BICC1: variants seen among roughly 807,000 people sequenced by gnomAD.
BICC1 encodes the protein BicC family RNA binding protein 1.
A neutral mutation model predicts 111.0 loss-of-function variants in BICC1; 43 were observed. The ratio of observed to expected loss-of-function variants is 0.39; its 90% CI spans 0.30 to 0.50. BICC1 has a LOEUF of 0.50. Among genes scored for constraint, BICC1 ranks in the 20% least tolerant of loss-of-function variants. The pLI, the probability that BICC1 is intolerant of heterozygous loss-of-function variation, is 0.88. For missense variants in BICC1, 1,091 were observed against 1,203.2 expected (o/e 0.91, Z 1.38); for synonymous variants, 467 against 434.4 (o/e 1.07, Z -0.93).
chr10:58,558,417 G>A (rs951682236), intron 1 of BICC1, among the ~76,000 whole-genome samples: 8 of 151,942 alleles, frequency 5.3e-5, no homozygotes, highest in African/African-American at 7.3e-5. Flanking sequence ...CATGCTTTTC[G>A]CGTCACAATC....
chr10:58,709,124 A>T (rs1330292967), intron 3 of BICC1, among the ~76,000 whole-genome samples: 1 of 152,072 alleles, frequency 6.6e-6, no homozygotes, highest in African/African-American at 2.4e-5. Flanking sequence ...AACTGTAGTC[A>T]CCCTACAGTG....
intron 3 of BICC1, among the ~76,000 whole-genome samples, chr10:58,708,111 T>C (rs1226670644): frequency 6.7e-6 from 1 of 149,910 alleles, no homozygotes; most frequent in East Asian, 2.0e-4. Flanking sequence ...CCCAAAGTGC[T>C]GGGATTACAG....
chr10:58,522,528 C>G (rs1842419272), intron 1 of BICC1, among the ~76,000 whole-genome samples: 1 of 152,056 alleles, frequency 6.6e-6, no homozygotes, highest in African/African-American at 2.4e-5. Context: ...ACACAACATA[C>G]CAGAATCTCT....
chr10:58,709,153 T>C (rs541921806), intron 3 of BICC1, among the ~76,000 whole-genome samples: 3 of 152,320 alleles, frequency 2.0e-5, no homozygotes, highest in Non-Finnish European at 2.9e-5. Context: ...CACTAGGATT[T>C]ATTCTTCCAA....
intron 3 of BICC1, among the ~76,000 whole-genome samples, chr10:58,723,366 C>T (rs1840998293): frequency 3.3e-5 from 5 of 152,150 alleles, no homozygotes; most frequent in Admixed American, 3.3e-4. Context: ...GTGTTCAGAA[C>T]AGCTGCTTAT....
At chr10:58,678,824 A>G (rs989922662) in intron 2 of BICC1, among the ~76,000 whole-genome samples, 1 of 152,240 alleles carries the variant, frequency 6.6e-6, no homozygotes, top group African/African-American at 2.4e-5. Flanking sequence ...AATGGAAATC[A>G]TAACAATCAG....
At chr10:58,788,968 T>A (rs1287059830) in intron 6 of BICC1, among the ~76,000 whole-genome samples, 1 of 152,036 alleles carries the variant, frequency 6.6e-6, no homozygotes, top group Non-Finnish European at 1.5e-5. Flanking sequence ...GGCACATGCC[T>A]GTAGTGCCAC....
chr10:58,555,827 A>G (rs1384204168), intron 1 of BICC1, among the ~76,000 whole-genome samples: 1 of 152,128 alleles, frequency 6.6e-6, no homozygotes, highest in Non-Finnish European at 1.5e-5. Flanking sequence ...CAAGTGAAAT[A>G]TTTCACCACT....
chr10:58,520,591 G>C (rs1842362384), intron 1 of BICC1, among the ~76,000 whole-genome samples: 1 of 152,116 alleles, frequency 6.6e-6, no homozygotes, highest in Non-Finnish European at 1.5e-5. Context: ...TGGTTTCCCT[G>C]TTATAGTGAG....
chr10:58,712,062 C>T (rs1371211706), intron 3 of BICC1, among the ~76,000 whole-genome samples: 1 of 152,148 alleles, frequency 6.6e-6, no homozygotes, highest in Admixed American at 6.5e-5. Flanking sequence ...AGACACCTCA[C>T]CAAAGAAGAT....
At chr10:58,516,626 G>A (rs1027045350) in intron 1 of BICC1, among the ~76,000 whole-genome samples, 1 of 152,052 alleles carries the variant, frequency 6.6e-6, no homozygotes, top group Admixed American at 6.5e-5. Flanking sequence ...TTATTTTCAA[G>A]TTTAGGTTTT....
At chr10:58,620,732 C>A in intron 1 of BICC1, 123 bp from the exon 2 acceptor site, 2 of 816,840 alleles carry the variant, frequency 2.4e-6, no homozygotes, top group South Asian at 3.3e-5. Flanking sequence ...TTAGCAGGCA[C>A]TGAGCTGTGG....
chr10:58,632,917 C>G (rs1221367360), intron 2 of BICC1, among the ~76,000 whole-genome samples: 1 of 151,980 alleles, frequency 6.6e-6, no homozygotes, highest in East Asian at 1.9e-4. Flanking sequence ...TTTAAAAATT[C>G]TTTAAGTGAA....
intron 3 of BICC1, among the ~76,000 whole-genome samples, chr10:58,781,270 A>G (rs1172324593): frequency 6.6e-6 from 1 of 152,198 alleles, no homozygotes; most frequent in African/African-American, 2.4e-5. Flanking sequence ...CACCTAGGAT[A>G]TGAGCTTTAG....
At chr10:58,804,927 C>T (rs1843663608) in intron 15 of BICC1, among the ~76,000 whole-genome samples, 1 of 152,108 alleles carries the variant, frequency 6.6e-6, no homozygotes, top group African/African-American at 2.4e-5. Context: ...GTGCTATATC[C>T]CCAGCTCTCT....
chr10:58,782,934 G>A (rs9416742), intron 3 of BICC1, among the ~76,000 whole-genome samples: 20,514 of 152,238 alleles, frequency 0.13, 1,858 homozygotes, highest in Non-Finnish European at 0.21. Flanking sequence ...GGGCAGTCCT[G>A]GTTCTTGTTA....
chr10:58,638,284 A>G (rs989239244), intron 2 of BICC1, among the ~76,000 whole-genome samples: 6 of 152,120 alleles, frequency 3.9e-5, no homozygotes, highest in Non-Finnish European at 8.8e-5. Context: ...ATAGAAAATA[A>G]CATCTGTACT....
chr10:58,782,837 A>G, intron 3 of BICC1, among the ~76,000 whole-genome samples: 1 of 152,202 alleles, frequency 6.6e-6, no homozygotes, highest in East Asian at 1.9e-4. Context: ...TAGCCGAGCT[A>G]TTATGGATGA....
chr10:58,745,282 G>A (rs1841796867), intron 3 of BICC1, among the ~76,000 whole-genome samples: 1 of 152,014 alleles, frequency 6.6e-6, no homozygotes, highest in African/African-American at 2.4e-5. Context: ...GCCACTTATT[G>A]GCTCTGTGAC....
Sources: gnomAD v4.1 joint callset for allele counts (sites outside exome capture counted in the v4.1 genomes callset) on GRCh38, gnomAD v4.1.1 for gene constraint, MANE v1.5 for transcripts, NCBI Gene and HGNC (gene_info 2026-07-23, HGNC 2026-07-21) for gene names.